The following RBMS3 variants were observed in gnomAD, a reference collection of about 807,000 sequenced individuals.
RBMS3 encodes RNA-binding motif, single-stranded-interacting protein 3.
Under a neutral mutation model 66.8 loss-of-function variants are expected in RBMS3, and 27 were observed. That is an observed-to-expected ratio of 0.40 (90% confidence interval 0.30 to 0.56). RBMS3 has a LOEUF of 0.56. Ranked by LOEUF, RBMS3 falls within the 20% of genes least tolerant of loss-of-function variation. RBMS3 has a pLI of 0.40. For synonymous variants in RBMS3, 188 were observed against 183.0 expected (o/e 1.03, Z -0.22); for missense variants, 513 against 549.5 (o/e 0.93, Z 0.66).
At chr3:29,747,681 G>C (rs114024261) in intron 5 of RBMS3, among the ~76,000 whole-genome samples, 3,440 of 152,258 alleles carry the variant, frequency 0.023, 52 homozygotes, top group Non-Finnish European at 0.032. Context: ...TGTGAAAAGG[G>C]CAGAATTTAT....
intron 5 of RBMS3, among the ~76,000 whole-genome samples, chr3:29,747,390 G>GTAGGTAGATAGA (rs1553655867): frequency 2.1e-5 from 3 of 141,160 alleles, no homozygotes; most frequent in African/African-American, 5.5e-5. Flanking sequence ...AGGTAGGTAG[G>GTAGGTAGATAGA]TAGATAGATA....
intron 1 of RBMS3, among the ~76,000 whole-genome samples, chr3:29,355,746 C>T (rs2037188530): frequency 6.6e-6 from 1 of 151,942 alleles, no homozygotes; most frequent in African/African-American, 2.4e-5. Context: ...ATAGTACTTC[C>T]TTTTTTTCCC....
chr3:29,838,152 C>T lies in RBMS3; in HGVS notation c.638-30706C>T, dbSNP rs1454162669. Among the ~76,000 whole-genome samples the T allele has an allele frequency of 3.4e-5, 4 of 117,588 alleles. No homozygotes were observed. The East Asian group carries it at 1.0e-3, about 31-fold the overall frequency. 77.1% of individuals were successfully genotyped at this position (117,588 alleles called of 152,430 possible). On this transcript the variant is annotated intron_variant, in intron 6 of 14. Transcript: ENST00000383767. ...CTGAGTTCACAACCAGCCTGGGCAA[C>T]ATAGTGAGACCTCATCTCTACAAAA...
chr3:29,333,128 C>T (rs2035758928), intron 1 of RBMS3, among the ~76,000 whole-genome samples: 1 of 151,984 alleles, frequency 6.6e-6, no homozygotes, highest in Non-Finnish European at 1.5e-5. Context: ...TGTATATAAT[C>T]TGTATGTATA....
intron 2 of RBMS3, among the ~76,000 whole-genome samples, chr3:29,463,224 G>A (rs1415462486): frequency 1.3e-5 from 2 of 152,110 alleles, no homozygotes; most frequent in Admixed American, 1.3e-4. Context: ...AAATTTGAGG[G>A]CATTGTTGGT....
intron 7 of RBMS3, among the ~76,000 whole-genome samples, chr3:29,871,652 T>G (rs1027836946): frequency 1.3e-5 from 2 of 152,106 alleles, no homozygotes; most frequent in South Asian, 4.1e-4. Flanking sequence ...GCTGTGGAAT[T>G]GAAGATAATA....
intron 4 of RBMS3, among the ~76,000 whole-genome samples, chr3:29,661,704 CT>C (rs1470334824): frequency 6.6e-6 from 1 of 152,130 alleles, no homozygotes; most frequent in African/African-American, 2.4e-5. Flanking sequence ...TCAAAGTACG[CT>C]TATCTTTATT....
chr3:29,706,779 C>T (rs2052915844), intron 4 of RBMS3, among the ~76,000 whole-genome samples: 1 of 152,146 alleles, frequency 6.6e-6, no homozygotes, highest in Non-Finnish European at 1.5e-5. Flanking sequence ...TTCCCAGAAA[C>T]CTTTGTGCAC....
At chr3:29,989,573 T>G (rs1055584493) in intron 13 of RBMS3, among the ~76,000 whole-genome samples, 6 of 152,182 alleles carry the variant, frequency 3.9e-5, no homozygotes, top group African/African-American at 1.2e-4. Flanking sequence ...ACGGACTAAA[T>G]TGGATCTTCT....
rs906790556 is a variant in RBMS3 at position 30,006,711 on chromosome 3, ACTTT to A, written c.*2855_*2858del. On this transcript the variant is annotated 3_prime_UTR_variant, in exon 15 of 15. Coordinates refer to ENST00000383767, the MANE Select transcript of RBMS3 (RefSeq NM_001003793.3). ...ATTCATTTGAATATGAAACCAACAT[ACTTT>A]CTTTCATTTTTGTGAAAAAATAACC... The A allele has an allele frequency of 3.3e-5, 5 of 151,902 alleles. No individual in the cohort carries two copies. The highest frequency in any genetic ancestry group is 5.9e-5 in the Non-Finnish European group (4 of 67,858). 9.4% of individuals were successfully genotyped at this position (151,902 alleles called of 1,614,324 possible). A position where few individuals can be genotyped will look rare whatever the true frequency, so the allele number is the denominator to read the frequency against.
At chr3:29,838,628 G>T (rs573346106) in intron 6 of RBMS3, among the ~76,000 whole-genome samples, 1 of 152,144 alleles carries the variant, frequency 6.6e-6, no homozygotes, top group South Asian at 2.1e-4. Flanking sequence ...GACATTTGTC[G>T]CACATTTAAC....
At chr3:29,451,281 C>G (rs113857191) in intron 2 of RBMS3, among the ~76,000 whole-genome samples, 6 of 152,216 alleles carry the variant, frequency 3.9e-5, no homozygotes, top group Admixed American at 2.0e-4. Context: ...TTTATAACCT[C>G]AAAATGCTGA....
At chr3:29,561,374 C>T (rs999854230) in intron 3 of RBMS3, among the ~76,000 whole-genome samples, 1 of 152,162 alleles carries the variant, frequency 6.6e-6, no homozygotes, top group African/African-American at 2.4e-5. Flanking sequence ...ATTTACACTC[C>T]CACCAACAGT....
At chr3:29,586,564 G>T (rs1280416417) in intron 3 of RBMS3, among the ~76,000 whole-genome samples, 1 of 152,102 alleles carries the variant, frequency 6.6e-6, no homozygotes, top group Non-Finnish European at 1.5e-5. Context: ...CATGGGCTTA[G>T]TAATCAAATG....
chr3:29,824,826 A>G (rs1332455711), intron 6 of RBMS3, among the ~76,000 whole-genome samples: 1 of 152,218 alleles, frequency 6.6e-6, no homozygotes, highest in Non-Finnish European at 1.5e-5. Context: ...TTTCATAAAT[A>G]TAGCTACTGA....
intron 2 of RBMS3, among the ~76,000 whole-genome samples, chr3:29,463,414 C>A (rs560589767): frequency 2.6e-5 from 4 of 152,144 alleles, no homozygotes; most frequent in African/African-American, 9.6e-5. Context: ...ATGTTGAAAT[C>A]CAGAGCTACA....
chr3:29,857,527 T>C (rs2059110130), intron 6 of RBMS3, among the ~76,000 whole-genome samples: 1 of 150,014 alleles, frequency 6.7e-6, no homozygotes, highest in South Asian at 2.1e-4. Context: ...TTATATTTAC[T>C]TGTGGAAATG....
rs1479847837 is a variant in RBMS3, at chr3:29,378,215, G to T, written c.76-56528G>T. Among the ~76,000 whole-genome samples, 5 of 152,194 alleles carry T rather than the reference G, an allele frequency of 3.3e-5. No homozygotes were observed. In the East Asian group the frequency reaches 9.6e-4, roughly 29 times the overall value. On this transcript the variant is annotated intron_variant, in intron 1 of 14. Coordinates refer to ENST00000383767, the MANE Select transcript of RBMS3 (RefSeq NM_001003793.3). ...AGGCCGGGCACGGTGGCTCACGCCT[G>T]TAATCCCAGCACTTTGGGAGGCCCA...
chr3:29,546,251 A>G (rs948808222), intron 3 of RBMS3, among the ~76,000 whole-genome samples: 1 of 152,096 alleles, frequency 6.6e-6, no homozygotes, highest in African/African-American at 2.4e-5. Flanking sequence ...GCATTTGCTT[A>G]TCATAAATTA....
Sources: allele counts gnomAD v4.1 joint callset (sites outside exome capture counted in the v4.1 genomes callset), GRCh38; gene constraint gnomAD v4.1.1; transcripts MANE v1.5; gene names NCBI Gene and HGNC (gene_info 2026-07-23, HGNC 2026-07-21).